Variants in TNN observed in about 807,000 individuals in gnomAD.
The protein encoded by TNN is tenascin N.
In TNN, 122 loss-of-function variants were observed where a neutral mutation model predicts 134.4. The ratio of observed to expected loss-of-function variants is 0.91; its 90% CI spans 0.78 to 1.06. TNN has a LOEUF of 1.06. TNN is among the 50% of genes least tolerant of loss of function. The pLI is 0.00. For missense variants in TNN, 1,739 were observed against 1,699.4 expected, an observed-to-expected ratio of 1.02 and a Z score of -0.41; for synonymous variants, 710 against 670.3, an observed-to-expected ratio of 1.06 and a Z score of -0.91.
At chr1:175,116,153 G>C (rs753067413) in intron 9 of TNN, among the ~76,000 whole-genome samples, 9 of 152,102 alleles carry the variant, frequency 5.9e-5, no homozygotes, top group Non-Finnish European at 1.2e-4. Flanking sequence ...TAGGAGACAT[G>C]TTATTAGCTC....
chr1:175,135,979 G>T, intron 16 of TNN, 38 bp downstream of exon 16: 1 of 1,478,222 alleles, frequency 6.8e-7, no homozygotes, highest in Non-Finnish European at 9.5e-7. Flanking sequence ...GGCTGTGGGG[G>T]GTGATTTCTC....
intron 5 of TNN, among the ~76,000 whole-genome samples, 153 bp from the exon 6 acceptor site, chr1:175,085,252 G>A (rs760511386): frequency 2.0e-5 from 3 of 152,154 alleles, no homozygotes; most frequent in Non-Finnish European, 4.4e-5. Flanking sequence ...TTGCACCTGC[G>A]GGGCTTTATT....
In TNN at chr1:175,077,425, C is replaced by G. The variant is rs1197762196; in HGVS notation, c.7C>G (p.Leu3Val). 2 of 1,612,550 alleles carry G rather than the reference C, an allele frequency of 1.2e-6. No homozygotes were observed. The highest frequency in any genetic ancestry group is 1.7e-6 in the Non-Finnish European group (2 of 1,179,278). The change falls in exon 2 of 19, where the codon CTC becomes GTC. Residue 3 changes from leucine to valine, a missense_variant. Leu to Val is a conservative substitution (Grantham distance 32). Transcript: ENST00000239462. ...GCTCCCTGTCTTTCCAAGGATGAGT[C>G]TCCAGGAGATGTTCCGCTTCCCTAT... Reference protein sequence around the residue: MSLQEMFRFPMGL... With the variant: MSVQEMFRFPMGL...
chr1:175,144,425 AC>A lies in TNN; in HGVS notation c.3635del (p.Thr1212IlefsTer15). 6.2e-7 allele frequency: 1 copy of A among 1,614,118 alleles called. No homozygotes were observed. Among genetic ancestry groups the A allele is most frequent in the Non-Finnish European group, 8.5e-7 (1 of 1,180,008 alleles). On this transcript the variant is annotated frameshift_variant, in exon 18 of 19. Transcript: ENST00000239462. LOFTEE classifies it high-confidence loss of function. ...TTACCACAATGGATGGAAGTTTACA[AC>A]TTTTGACAGAGACAATGATATCGCA... ...LTYHNGWKFT[T>X]FDRDNDIALS... is the part of the protein sequence containing the mutation.
intron 9 of TNN, among the ~76,000 whole-genome samples, chr1:175,110,962 G>C (rs1675004646): frequency 6.6e-6 from 1 of 151,870 alleles, no homozygotes; most frequent in African/African-American, 2.4e-5. Flanking sequence ...ATCATTTGAG[G>C]TCAGGAGTTC....
chr1:175,109,363 C>T (rs967657086), intron 9 of TNN, among the ~76,000 whole-genome samples: 9 of 151,700 alleles, frequency 5.9e-5, no homozygotes, highest in Non-Finnish European at 1.2e-4. Context: ...GCTGGGATTA[C>T]AGGCGTGAGC....
chr1:175,128,657 A>C lies in TNN; in HGVS notation c.3241A>C (p.Ser1081Arg). ...SQVQQNSNAASGLYTIYLHGD... is the reference protein window; with the variant it reads ...SQVQQNSNAARGLYTIYLHGD... ...GGTTCAGCAGAACAGCAATGCCGCC[A>C]GTGGTCTGTACACCATCTACCTGCA... Residue 1081 changes from serine (S) to arginine (R), a missense_variant, in exon 15 of 19, where the codon AGT (serine) becomes CGT (arginine). Ser to Arg is a moderately radical substitution (Grantham distance 110, BLOSUM62 -1). Transcript: ENST00000239462. 1 of 1,614,064 alleles carries C rather than the reference A, an allele frequency of 6.2e-7. No homozygotes were observed. Among genetic ancestry groups the C allele is most frequent in the Non-Finnish European group, 8.5e-7 (1 of 1,179,972 alleles).
intron 1 of TNN, among the ~76,000 whole-genome samples, chr1:175,071,333 TG>T (rs1370039284): frequency 2.0e-5 from 3 of 152,184 alleles, no homozygotes; most frequent in Non-Finnish European, 4.4e-5. Context: ...CATCCACCCC[TG>T]GGGTCCAAGA....
chr1:175,100,958 G>A (rs1035885239), intron 9 of TNN, among the ~76,000 whole-genome samples: 2 of 152,112 alleles, frequency 1.3e-5, no homozygotes, highest in Admixed American at 1.3e-4. Flanking sequence ...ATCAAATCAG[G>A]GTAATCAGGA....
intron 1 of TNN, among the ~76,000 whole-genome samples, chr1:175,069,586 T>C (rs78116519): frequency 0.019 from 2,957 of 152,338 alleles, 95 homozygotes; most frequent in African/African-American, 0.067. Context: ...GTGGAAACTT[T>C]TGTCCATTCA....
rs1163882490 is a variant in TNN at position 175,094,136 on chromosome 1, A to G, written c.1471A>G (p.Lys491Glu). 4 of 1,614,078 alleles carry G rather than the reference A, an allele frequency of 2.5e-6. No individual in the cohort carries two copies. Among genetic ancestry groups the G allele is most frequent in the Admixed American group, 3.3e-5 (2 of 60,004 alleles). The change falls in exon 7 of 19, where the codon AAG becomes GAG. Residue 491 changes from lysine to glutamate, a missense_variant. Transcript: ENST00000239462. The stretch of plus-strand genomic sequence containing the variant: ...GGACACCAAGGAAATGGCAGTGCAC[A>G]AGGATGAGAGCAGCACTGTCCTGAC... ...DGDTKEMAVH[K>E]DESSTVLTGL...
Position 175,077,912 on chromosome 1 carries a change from T to A in TNN, c.409+85T>A. ...GGGTTTCCACTAGCCTCATGAGCAC[T>A]TTGTGACTCTGGTGTGCTCCTACTT... On this transcript the variant is annotated intron_variant, in intron 2 of 18. Coordinates refer to ENST00000239462, the MANE Select transcript of TNN (RefSeq NM_022093.2). 5 of 1,369,690 alleles carry A rather than the reference T, an allele frequency of 3.7e-6. 1 individual carries two copies. The South Asian group carries it at 7.0e-5, about 19-fold the overall frequency. The allele number at this position is 1,369,690 out of a possible 1,614,324, so 84.8% of individuals were successfully genotyped here. A position where few individuals can be genotyped will look rare whatever the true frequency, so the allele number is the denominator to read the frequency against.
At chr1:175,112,598 CTTTTTT>C (rs767531767) in intron 9 of TNN, among the ~76,000 whole-genome samples, 9 of 21,984 alleles carry the variant, frequency 4.1e-4, no homozygotes, top group East Asian at 5.6e-3. Flanking sequence ...GCCGGCCGAT[CTTTTTT>C]TTTTTTTTTT....
chr1:175,068,777 G>A (rs976378152), intron 1 of TNN, among the ~76,000 whole-genome samples: 7 of 152,008 alleles, frequency 4.6e-5, no homozygotes, highest in South Asian at 2.1e-4. Context: ...GCGTGGTGGC[G>A]CATGCCTATA....
chr1:175,139,020 A>G (rs376035757), intron 17 of TNN, among the ~76,000 whole-genome samples: 37 of 152,292 alleles, frequency 2.4e-4, no homozygotes, highest in African/African-American at 8.9e-4. Flanking sequence ...AAAATGGCCA[A>G]TCTGTAAGGG....
intron 1 of TNN, among the ~76,000 whole-genome samples, chr1:175,071,971 C>G (rs543066918): frequency 6.6e-6 from 1 of 152,170 alleles, no homozygotes; most frequent in African/African-American, 2.4e-5. Flanking sequence ...AGTCATGGCC[C>G]TCTCTGTCAT....
chr1:175,078,743 T>C (rs1318659418), intron 2 of TNN, among the ~76,000 whole-genome samples: 2 of 152,206 alleles, frequency 1.3e-5, no homozygotes, highest in Non-Finnish European at 2.9e-5. Flanking sequence ...CCTCTTGCTG[T>C]GTAGGGTCAG....
In TNN at chr1:175,079,408, AG is replaced by A. The variant is rs778790233; in HGVS notation, c.488del (p.Gly163AlafsTer118). 1.9e-6 allele frequency: 3 copies of A among 1,595,426 alleles called. No individual in the cohort carries two copies. The South Asian group carries it at 3.3e-5, about 18-fold the overall frequency. Reference protein sequence around the residue: ...TCSCHCEEGREGPACERLACP... With the variant: ...TCSCHCEEGRXGPACERLACP... Reference sequence around the variant, plus strand: ...AGCTGCCACTGCGAAGAGGGCAGGGAGGGCCCCGCCTGCGAGCGGCTGGCCT... The same window carrying A: ...AGCTGCCACTGCGAAGAGGGCAGGGAGGCCCCGCCTGCGAGCGGCTGGCCT... On this transcript the variant is annotated frameshift_variant, in exon 3 of 19. Transcript: ENST00000239462. LOFTEE classifies it high-confidence loss of function.
At chr1:175,094,388 T>C in intron 7 of TNN, 135 bp downstream of exon 7, 2 of 710,624 alleles carry the variant, frequency 2.8e-6, no homozygotes, top group Non-Finnish European at 4.2e-6. Context: ...AAAACCAATT[T>C]TGATTTTCAT....
Sources: allele counts gnomAD v4.1 joint callset (sites outside exome capture counted in the v4.1 genomes callset), GRCh38; gene constraint gnomAD v4.1.1; transcripts MANE v1.5; gene names NCBI Gene and HGNC (gene_info 2026-07-23, HGNC 2026-07-21).